The following USP31 variants were observed in gnomAD, a reference collection of about 807,000 sequenced individuals.
USP31 encodes the protein ubiquitin carboxyl-terminal hydrolase 31.
USP31 carries 44 observed loss-of-function variants against 119.4 expected under a neutral mutation model. The ratio of observed to expected loss-of-function variants is 0.37; its 90% CI spans 0.29 to 0.47. The LOEUF is 0.47. USP31 is among the 20% of genes least tolerant of loss of function. The probability of loss-of-function intolerance (pLI) is 0.99; values close to 1 mark genes in which losing one functional copy is unlikely to be tolerated. For synonymous variants in USP31, 749 were observed against 705.6 expected (o/e 1.06, Z -0.97); for missense variants, 1,643 against 1,730.2 (o/e 0.95, Z 0.89).
chr16:23,101,970 T>TAAAAA (rs34773118), intron 6 of USP31, among the ~76,000 whole-genome samples: 2 of 85,528 alleles, frequency 2.3e-5, no homozygotes, highest in Admixed American at 2.5e-4. Flanking sequence ...TAGCAAAATT[T>TAAAAA]AAAAAAAAAA....
In USP31 at chr16:23,061,621, C is replaced by T. The variant is rs906568535; in HGVS notation, c.*6425G>A. On this transcript the variant is annotated 3_prime_UTR_variant, in exon 16 of 16. Transcript: ENST00000219689. ...CAGTGACACATCTCATGCACTTGTT[C>T]TAAAATAAATTTAAAATGTACGATA... The T allele has an allele frequency of 1.3e-5, 2 of 152,504 alleles. No homozygotes were observed. The highest frequency in any genetic ancestry group is 6.5e-5 in the Admixed American group (1 of 15,280). 9.4% of individuals were successfully genotyped at this position (152,504 alleles called of 1,614,324 possible). A position where few individuals can be genotyped will look rare whatever the true frequency, so the allele number is the denominator to read the frequency against.
Position 23,148,767 on chromosome 16 carries a change from G to C in USP31, c.504C>G (p.Pro168=), listed in dbSNP as rs1200511478. The C allele has an allele frequency of 6.6e-7, 1 of 1,526,670 alleles. No homozygotes were observed. The highest frequency in any genetic ancestry group is 8.8e-7 in the Non-Finnish European group (1 of 1,142,414). The allele number at this position is 1,526,670 out of a possible 1,614,324, so 94.6% of individuals were successfully genotyped here. A position where few individuals can be genotyped will look rare whatever the true frequency, so the allele number is the denominator to read the frequency against. Residue 168 remains proline (P), a synonymous_variant, in exon 1 of 16, where the codon CCC becomes CCG. Transcript: ENST00000219689. ...CCGCAGGCTGCTCCGGGTCAGGCGA[G>C]GGCTCGGGCCGCCCCGCCCGGTACT... ...LGQYRAGRPE[P]SPDPEQPAGR...
chr16:23,112,773 G>A (rs6497645), intron 1 of USP31, among the ~76,000 whole-genome samples: 42,680 of 151,180 alleles, frequency 0.28, 6,344 homozygotes, highest in Admixed American at 0.35. Flanking sequence ...TCACACCTGC[G>A]ATCCCAGCAC....
intron 7 of USP31, 29 bp downstream of exon 7, chr16:23,090,595 T>A: frequency 6.3e-7 from 1 of 1,575,580 alleles, no homozygotes; most frequent in Non-Finnish European, 8.7e-7. Context: ...ACAGTCTAGG[T>A]ACTTACTGGA....
chr16:23,082,685 A>G (rs1900885540), intron 11 of USP31, 128 bp from the exon 12 acceptor site: 1 of 1,287,078 alleles, frequency 7.8e-7, no homozygotes, highest in Non-Finnish European at 1.1e-6. Flanking sequence ...GCTGGGCATC[A>G]ATGGAATAAC....
At chr16:23,103,699 G>A (rs977430370) in intron 5 of USP31, among the ~76,000 whole-genome samples, 1 of 152,226 alleles carries the variant, frequency 6.6e-6, no homozygotes, top group Non-Finnish European at 1.5e-5. Context: ...AGGACTGCTT[G>A]AGGCCAGGAG....
Position 23,068,726 on chromosome 16 carries a change from A to G in USP31, c.3379T>C (p.Ser1127Pro). ...SASALTYTAS[S>P]TSAKKASGPA... The stretch of plus-strand genomic sequence containing the variant: ...CCCGAGGCCTTTTTGGCAGATGTGG[A>G]GGAAGCAGTGTAGGTGAGGGCCGAG... The change falls in exon 16 of 16, where the codon TCC (serine) becomes CCC (proline). Residue 1127 changes from serine (S) to proline (P), a missense_variant. Around this residue, in one of 5 missense-constraint regions of USP31, gnomAD observed 699 missense variants for 650.9 expected, o/e 1.07. Transcript: ENST00000219689. 6.2e-7 allele frequency: 1 copy of G among 1,611,804 alleles called. No homozygotes were observed.
intron 1 of USP31, among the ~76,000 whole-genome samples, chr16:23,110,303 C>T (rs1346017085): frequency 1.3e-5 from 2 of 152,094 alleles, no homozygotes; most frequent in Non-Finnish European, 2.9e-5. Context: ...AAGAAGAGGA[C>T]GGTGGTGTTA....
chr16:23,124,800 A>T (rs1374825219), intron 1 of USP31, among the ~76,000 whole-genome samples: 2 of 152,084 alleles, frequency 1.3e-5, no homozygotes, highest in Admixed American at 1.3e-4. Flanking sequence ...GAGGCAGGAG[A>T]ATTGCTTGAA....
In USP31 at chr16:23,078,268, C is replaced by T. The variant is rs959752943; in HGVS notation, c.2176+1678G>A. 6.1e-5 allele frequency among the ~76,000 whole-genome samples: 9 copies of T among 147,800 alleles called. No individual in the cohort carries two copies. The South Asian group carries it at 1.5e-3, about 25-fold the overall frequency. ...CGGAGGTTACAGTGAGCCTAGATCA[C>T]GCCACCACACTCCAGCCTGGTGAGA... is the stretch of plus-strand genomic sequence containing the variant. On this transcript the variant is annotated intron_variant, in intron 13 of 15. Coordinates refer to ENST00000219689, the MANE Select transcript of USP31 (RefSeq NM_020718.4).
intron 6 of USP31, among the ~76,000 whole-genome samples, chr16:23,093,194 G>C (rs561714903): frequency 7.1e-4 from 108 of 152,128 alleles, no homozygotes; most frequent in South Asian, 3.7e-3. Flanking sequence ...TCAAAATGAA[G>C]AACTTTTGTA....
At chr16:23,146,607 C>T (rs1446951378) in intron 1 of USP31, among the ~76,000 whole-genome samples, 5 of 152,074 alleles carry the variant, frequency 3.3e-5, no homozygotes, top group Non-Finnish European at 5.9e-5. Context: ...TCAAGTACTT[C>T]CATTCAAATT....
chr16:23,128,797 A>G (rs928644729), intron 1 of USP31, among the ~76,000 whole-genome samples: 8 of 152,200 alleles, frequency 5.3e-5, no homozygotes, highest in Admixed American at 3.9e-4. Flanking sequence ...GTTTTGCCAA[A>G]AAGAGGAGAA....
At chr16:23,108,853 T>G (rs1168879852) in intron 1 of USP31, among the ~76,000 whole-genome samples, 1 of 152,240 alleles carries the variant, frequency 6.6e-6, no homozygotes, top group South Asian at 2.1e-4. Flanking sequence ...TTGATTTACA[T>G]TGCTTTTGCT....
chr16:23,071,681 G>C (rs535116381), intron 15 of USP31, among the ~76,000 whole-genome samples: 4 of 151,260 alleles, frequency 2.6e-5, no homozygotes, highest in African/African-American at 9.7e-5. Flanking sequence ...TCCCCACCAC[G>C]TGGCCTGGGC....
intron 1 of USP31, among the ~76,000 whole-genome samples, chr16:23,117,257 A>G (rs1902518356): frequency 6.6e-6 from 1 of 152,228 alleles, no homozygotes; most frequent in African/African-American, 2.4e-5. Context: ...CTCAGGATCC[A>G]AACTCAGGAA....
chr16:23,091,894 G>T (rs1017471180), intron 6 of USP31, among the ~76,000 whole-genome samples: 1 of 152,186 alleles, frequency 6.6e-6, no homozygotes, highest in Non-Finnish European at 1.5e-5. Context: ...ACTCTGGTAT[G>T]AGAAAATAAA....
chr16:23,143,437 T>C (rs1903408555), intron 1 of USP31, among the ~76,000 whole-genome samples: 1 of 152,196 alleles, frequency 6.6e-6, no homozygotes, highest in African/African-American at 2.4e-5. Context: ...TGGCATATTA[T>C]GTATTCAAAG....
Position 23,067,971 on chromosome 16 carries a change from G to C in USP31, c.*75C>G. ...AAAAAAGTACAAAACAAAAGCACAGGAGGCTTTGGTGGGAGGGCAGGGGTT... is the reference window on the plus strand; with the variant it reads ...AAAAAAGTACAAAACAAAAGCACAGCAGGCTTTGGTGGGAGGGCAGGGGTT... On this transcript the variant is annotated 3_prime_UTR_variant, in exon 16 of 16. Coordinates refer to ENST00000219689, the MANE Select transcript of USP31 (RefSeq NM_020718.4). 2.0e-6 allele frequency: 3 copies of C among 1,515,560 alleles called. No homozygotes were observed. The highest frequency in any genetic ancestry group is 2.7e-5 in the South Asian group (2 of 74,798). The allele number at this position is 1,515,560 out of a possible 1,614,324, so 93.9% of individuals were successfully genotyped here. A position where few individuals can be genotyped will look rare whatever the true frequency, so the allele number is the denominator to read the frequency against.
Sources: gnomAD v4.1 joint callset for allele counts (sites outside exome capture counted in the v4.1 genomes callset) on GRCh38, gnomAD v4.1.1 for gene constraint, gnomAD v4.1.1 regional missense constraint, MANE v1.5 for transcripts, NCBI Gene and HGNC (gene_info 2026-07-23, HGNC 2026-07-21) for gene names.